CEP112: variants seen among roughly 807,000 people sequenced by gnomAD.
CEP112 encodes centrosomal protein of 112 kDa.
A neutral mutation model predicts 153.0 loss-of-function variants in CEP112; 127 were observed. The ratio of observed to expected loss-of-function variants is 0.83; its 90% CI spans 0.72 to 0.96. CEP112 has a LOEUF of 0.96. Ranked by LOEUF, CEP112 falls within the 40% of genes least tolerant of loss-of-function variation. The probability of loss-of-function intolerance (pLI) is 0.00; values close to 1 mark genes in which losing one functional copy is unlikely to be tolerated. For synonymous variants in CEP112, 358 were observed against 374.4 expected, an observed-to-expected ratio of 0.96 and a Z score of 0.51; for missense variants, 1,089 against 1,101.2, an observed-to-expected ratio of 0.99 and a Z score of 0.16.
intron 21 of CEP112, among the ~76,000 whole-genome samples, chr17:65,768,302 T>G (rs2053123884): frequency 6.6e-6 from 1 of 152,104 alleles, no homozygotes; most frequent in Non-Finnish European, 1.5e-5. Context: ...CCTAAAGGTC[T>G]TCATCCGTGA....
rs1212014197 is a variant in CEP112, at chr17:66,032,867, A to C, written c.1219-2844T>G. Among the ~76,000 whole-genome samples the C allele has an allele frequency of 2.6e-5, 4 of 152,312 alleles. No individual in the cohort carries two copies. The East Asian group carries it at 7.8e-4, about 30-fold the overall frequency. On this transcript the variant is annotated intron_variant, in intron 12 of 26. Coordinates refer to ENST00000535342, the MANE Select transcript of CEP112 (RefSeq NM_001199165.4). ...AGTGAAGATCAAATATAATTACAGG[A>C]ATAGTCCAGAAGAAGAAGTCTCGTG...
At chr17:65,844,333 A>C (rs1317510330) in intron 21 of CEP112, among the ~76,000 whole-genome samples, 1 of 152,238 alleles carries the variant, frequency 6.6e-6, no homozygotes, top group Non-Finnish European at 1.5e-5. Context: ...GAAATTGAAA[A>C]TGTCAACAAA....
At chr17:65,683,218 T>C (rs996086474) in intron 24 of CEP112, among the ~76,000 whole-genome samples, 1 of 152,230 alleles carries the variant, frequency 6.6e-6, no homozygotes, top group African/African-American at 2.4e-5. Context: ...CCGTCTTTGG[T>C]CACTAGTGTC....
At chr17:66,136,262 C>A (rs981260255) in intron 4 of CEP112, among the ~76,000 whole-genome samples, 1 of 152,154 alleles carries the variant, frequency 6.6e-6, no homozygotes, top group Non-Finnish European at 1.5e-5. Flanking sequence ...CCCACCAGCT[C>A]AGAACTAGCA....
At chr17:65,704,524 A>G (rs927889610) in intron 23 of CEP112, among the ~76,000 whole-genome samples, 9 of 152,036 alleles carry the variant, frequency 5.9e-5, no homozygotes, top group Non-Finnish European at 1.3e-4. Flanking sequence ...CAGTCCAATC[A>G]TTATGAGACA....
chr17:65,989,478 G>GA (rs35229880), intron 17 of CEP112, among the ~76,000 whole-genome samples: 2,725 of 146,816 alleles, frequency 0.019, 67 homozygotes, highest in African/African-American at 0.059. Context: ...AGTTCAGAAA[G>GA]AAAAAAAAAA....
rs538896272 is a variant in CEP112, at chr17:66,169,282, C to CTTT, written c.470+5759_470+5761dup. The stretch of plus-strand genomic sequence containing the variant: ...ATTATGAGCCAATTTTTAATTTCTT[C>CTTT]TTTTTTTTTTTTTTTTTTTGAGACA... On this transcript the variant is annotated intron_variant, in intron 4 of 26. Transcript: ENST00000535342. Among the ~76,000 whole-genome samples the CTTT allele has an allele frequency of 5.0e-4, 60 of 120,942 alleles. 1 individual carries two copies. The highest frequency in any genetic ancestry group is 9.2e-3 in the Middle Eastern group (2 of 218). 79.3% of individuals were successfully genotyped at this position (120,942 alleles called of 152,430 possible). A position where few individuals can be genotyped will look rare whatever the true frequency, so the allele number is the denominator to read the frequency against.
chr17:65,654,179 T>C (rs1190730889), intron 24 of CEP112, among the ~76,000 whole-genome samples: 1 of 151,968 alleles, frequency 6.6e-6, no homozygotes, highest in Non-Finnish European at 1.5e-5. Context: ...TCCATTCTTA[T>C]TGGGGTTAAA....
intron 20 of CEP112, among the ~76,000 whole-genome samples, chr17:65,900,687 A>G (rs2059814129): frequency 1.3e-5 from 2 of 152,330 alleles, no homozygotes; most frequent in South Asian, 4.1e-4. Context: ...TACCATGGGA[A>G]AACAATGGTA....
At chr17:65,690,161 A>C (rs1015024748) in intron 23 of CEP112, among the ~76,000 whole-genome samples, 7 of 151,036 alleles carry the variant, frequency 4.6e-5, no homozygotes, top group African/African-American at 1.7e-4. Flanking sequence ...ACAGTGGTTC[A>C]CATCTGTGAT....
chr17:66,038,502 T>G (rs1365727965), intron 12 of CEP112, among the ~76,000 whole-genome samples: 1 of 152,196 alleles, frequency 6.6e-6, no homozygotes, highest in Non-Finnish European at 1.5e-5. Context: ...GCCAAATTAA[T>G]TTTTTAAACG....
chr17:66,162,775 G>C (rs2071767747), intron 4 of CEP112, among the ~76,000 whole-genome samples: 1 of 152,138 alleles, frequency 6.6e-6, no homozygotes, highest in African/African-American at 2.4e-5. Context: ...GAGCAAGAAA[G>C]AGTTTCTGGG....
intron 17 of CEP112, among the ~76,000 whole-genome samples, chr17:65,983,392 T>G (rs1384599009): frequency 6.6e-6 from 1 of 152,158 alleles, no homozygotes; most frequent in East Asian, 1.9e-4. Flanking sequence ...CCTTTTAGTC[T>G]TTTATATAGT....
At chr17:66,057,390 C>T (rs1480813801) in intron 11 of CEP112, among the ~76,000 whole-genome samples, 2 of 152,126 alleles carry the variant, frequency 1.3e-5, no homozygotes, top group Non-Finnish European at 2.9e-5. Context: ...TAGGTATATC[C>T]CTCCATGGGA....
rs537298919 is a variant in CEP112 at position 65,639,496 on chromosome 17, C to T, written c.2799+1468G>A. ...TTCGAGACCAGCCTGGCCAAGATAG[C>T]GAAACCCTGTCTCTACAAACAAACC... On this transcript the variant is annotated intron_variant, in intron 25 of 26. Coordinates refer to ENST00000535342, the MANE Select transcript of CEP112 (RefSeq NM_001199165.4). Among the ~76,000 whole-genome samples the T allele has an allele frequency of 2.8e-4, 43 of 151,772 alleles. No individual in the cohort carries two copies. The South Asian group carries it at 8.6e-3, about 30-fold the overall frequency.
At chr17:65,965,466 AAACCAT>A (rs2062374285) in intron 17 of CEP112, among the ~76,000 whole-genome samples, 1 of 152,122 alleles carries the variant, frequency 6.6e-6, no homozygotes, top group Non-Finnish European at 1.5e-5. Context: ...TTGTCCAGTA[AAACCAT>A]AATGAATACA....
chr17:65,828,834 G>GT (rs1225936028), intron 21 of CEP112, among the ~76,000 whole-genome samples: 6 of 150,484 alleles, frequency 4.0e-5, no homozygotes, highest in Non-Finnish European at 8.9e-5. Flanking sequence ...TTAATATTTA[G>GT]TTTTTTACAA....
chr17:65,878,024 T>TC (rs1368122631), intron 20 of CEP112, among the ~76,000 whole-genome samples: 1 of 152,210 alleles, frequency 6.6e-6, no homozygotes, highest in Non-Finnish European at 1.5e-5. Context: ...AATAGGCAAC[T>TC]CCTCATTCCA....
At position 66,092,356 on chromosome 17, in the gene CEP112, A is replaced by AACACACACACACACACAC. The variant is rs3056819; in HGVS notation, c.768+3877_768+3894dup. 1.0e-2 allele frequency among the ~76,000 whole-genome samples: 1,346 copies of AACACACACACACACACAC among 135,088 alleles called. 23 individuals carry two copies. Among genetic ancestry groups the AACACACACACACACACAC allele is most frequent in the African/African-American group, 0.034 (1,203 of 34,968 alleles). 88.6% of individuals were successfully genotyped at this position (135,088 alleles called of 152,430 possible). On this transcript the variant is annotated intron_variant, in intron 8 of 26. Transcript: ENST00000535342. ...AGTCCGGCCTTGAAGCATTAATTTA[A>AACACACACACACACACAC]ACACACACACACACACACACACACA... is the stretch of plus-strand genomic sequence containing the variant.
Sources: allele counts gnomAD v4.1 joint callset (sites outside exome capture counted in the v4.1 genomes callset), GRCh38; gene constraint gnomAD v4.1.1; transcripts MANE v1.5; gene names NCBI Gene and HGNC (gene_info 2026-07-23, HGNC 2026-07-21).